PRKN: variants seen among roughly 807,000 people sequenced by gnomAD.
PRKN encodes the protein parkin RBR E3 ubiquitin protein ligase.
Under a neutral mutation model 59.5 loss-of-function variants are expected in PRKN, and 56 were observed. That is an observed-to-expected ratio of 0.94 (90% CI 0.76 to 1.18). The LOEUF is 1.18. Among genes scored for constraint, PRKN ranks in the 50% most tolerant of loss-of-function variants. The probability of loss-of-function intolerance (pLI) is 0.00; values close to 1 mark genes in which losing one functional copy is unlikely to be tolerated. For synonymous variants in PRKN, 250 were observed against 222.1 expected (o/e 1.13, Z -1.12); for missense variants, 657 against 596.4 (o/e 1.10, Z -1.06).
At chr6:162,411,925 C>G (rs1020259436) in intron 2 of PRKN, among the ~76,000 whole-genome samples, 2 of 152,090 alleles carry the variant, frequency 1.3e-5, no homozygotes, top group African/African-American at 4.8e-5. Flanking sequence ...TCTTTAGATC[C>G]TGGAACTCCC....
intron 1 of PRKN, among the ~76,000 whole-genome samples, chr6:162,532,189 T>C (rs189027411): frequency 5.3e-4 from 80 of 152,338 alleles, no homozygotes; most frequent in Non-Finnish European, 6.9e-4. Context: ...AATCCAAGTA[T>C]GTCCCTAGAC....
intron 1 of PRKN, among the ~76,000 whole-genome samples, chr6:162,466,174 C>T (rs1791404372): frequency 6.6e-6 from 1 of 152,132 alleles, no homozygotes; most frequent in Admixed American, 6.6e-5. Flanking sequence ...GAAGTTTATG[C>T]ATGTATTGAG....
chr6:162,250,703 C>T (rs915312813), intron 3 of PRKN, among the ~76,000 whole-genome samples: 10 of 152,188 alleles, frequency 6.6e-5, no homozygotes, highest in Admixed American at 2.0e-4. Context: ...TATCTAATTT[C>T]GCAATGCATC....
chr6:162,167,538 T>A (rs1290434368), intron 4 of PRKN, among the ~76,000 whole-genome samples: 1 of 151,960 alleles, frequency 6.6e-6, no homozygotes, highest in Admixed American at 6.6e-5. Flanking sequence ...GAAAAGTAAT[T>A]AATTTCCACG....
At chr6:162,727,040 A>T (rs1407985168) in intron 1 of PRKN, 2 of 152,034 alleles carry the variant, frequency 1.3e-5, no homozygotes, top group African/African-American at 4.8e-5. Flanking sequence ...AAGGCAATAG[A>T]TTTAATCTTG....
chr6:162,556,028 AT>A, intron 1 of PRKN, among the ~76,000 whole-genome samples: 1 of 150,648 alleles, frequency 6.6e-6, no homozygotes, highest in Non-Finnish European at 1.5e-5. Context: ...ACATAACTTG[AT>A]TGAGTGAGAA....
chr6:162,115,724 C>G (rs1009585573), intron 4 of PRKN, among the ~76,000 whole-genome samples: 1 of 151,926 alleles, frequency 6.6e-6, no homozygotes, highest in Non-Finnish European at 1.5e-5. Flanking sequence ...CTGGCAGGAG[C>G]CCATATGGGT....
At chr6:162,372,121 C>G (rs151241923) in intron 2 of PRKN, among the ~76,000 whole-genome samples, 1 of 152,184 alleles carries the variant, frequency 6.6e-6, no homozygotes, top group Non-Finnish European at 1.5e-5. Flanking sequence ...TCCTTAATTT[C>G]TTTTCTACTT....
chr6:162,463,385 C>T (rs185670556), intron 1 of PRKN, among the ~76,000 whole-genome samples: 17 of 152,220 alleles, frequency 1.1e-4, no homozygotes, highest in Admixed American at 9.2e-4. Flanking sequence ...CATGGGTCTC[C>T]GGCCTTCTGC....
At position 161,395,999 on chromosome 6, in the gene PRKN, T is replaced by C. The variant is rs1192919036; in HGVS notation, c.1084-9122A>G. Among the ~76,000 whole-genome samples, 5 of 152,142 alleles carry C rather than the reference T, an allele frequency of 3.3e-5. No individual in the cohort carries two copies. Among genetic ancestry groups the C allele is most frequent in the Non-Finnish European group, 7.4e-5 (5 of 67,976 alleles). ...GGGGAACGGCAGCTTCCCTCACTTG[T>C]GGCTGTGTCGTGAGCCTCAGCTTTG... On this transcript the variant is annotated intron_variant, in intron 9 of 11. Coordinates refer to ENST00000366898, the MANE Select transcript of PRKN (RefSeq NM_004562.3). The surrounding 1 kb of genome is among the most constrained non-coding windows in gnomAD (Gnocchi z 5.0).
rs542656288 is a variant in PRKN, at chr6:161,576,166, A to G, written c.872-6750T>C. Reference sequence around the variant, plus strand: ...CTGTCTCGACAGAGTAATTGCATTCAGTCAGCAGCAGGACTTTACAGAATC... The same window carrying G: ...CTGTCTCGACAGAGTAATTGCATTCGGTCAGCAGCAGGACTTTACAGAATC... On this transcript the variant is annotated intron_variant, in intron 7 of 11. Transcript: ENST00000366898. The surrounding 1 kb of genome is among the most constrained non-coding windows in gnomAD (Gnocchi z 4.6). Among the ~76,000 whole-genome samples the G allele has an allele frequency of 9.2e-5, 14 of 152,358 alleles. No homozygotes were observed. The East Asian group carries it at 2.5e-3, about 27-fold the overall frequency.
intron 1 of PRKN, among the ~76,000 whole-genome samples, chr6:162,577,073 C>T (rs1203875797): frequency 1.3e-5 from 2 of 151,804 alleles, no homozygotes; most frequent in Middle Eastern, 3.2e-3. Flanking sequence ...AAAACATACA[C>T]AAAAACACAC....
rs146711797 is a variant in PRKN, at chr6:162,136,534, G to A, written c.534+64597C>T. Among the ~76,000 whole-genome samples, 439 of 152,266 alleles carry A rather than the reference G, an allele frequency of 2.9e-3. 1 individual carries two copies. Among genetic ancestry groups the A allele is most frequent in the African/African-American group, 1.0e-2 (414 of 41,556 alleles). On this transcript the variant is annotated intron_variant, in intron 4 of 11. Transcript: ENST00000366898. The stretch of plus-strand genomic sequence containing the variant: ...TAAATTTGGAATCTAGAATTTACCA[G>A]GTATGTAATTTGGAGTAAGTTAATT...
At chr6:161,731,257 G>A (rs150033388) in intron 7 of PRKN, among the ~76,000 whole-genome samples, 23 of 152,346 alleles carry the variant, frequency 1.5e-4, no homozygotes, top group African/African-American at 5.5e-4. Context: ...CCCATCCATG[G>A]GTGTGAAGCA....
intron 8 of PRKN, among the ~76,000 whole-genome samples, chr6:161,558,432 G>A (rs1041724777): frequency 6.6e-6 from 1 of 151,966 alleles, no homozygotes; most frequent in Non-Finnish European, 1.5e-5. Context: ...GGGCATGGTG[G>A]CATGTACCTG....
intron 4 of PRKN, among the ~76,000 whole-genome samples, chr6:162,149,684 C>G (rs1782179652): frequency 6.6e-6 from 1 of 152,140 alleles, no homozygotes; most frequent in Non-Finnish European, 1.5e-5. Context: ...TCTCCAGGGT[C>G]TGGTAGTTTC....
At chr6:162,574,239 C>T (rs1012422) in intron 1 of PRKN, among the ~76,000 whole-genome samples, 33,722 of 151,738 alleles carry the variant, frequency 0.22, 4,510 homozygotes, top group African/African-American at 0.37. Context: ...TAGATGCTAG[C>T]GTACAGTTAG....
At chr6:162,094,254 C>A (rs1047360062) in intron 4 of PRKN, among the ~76,000 whole-genome samples, 2 of 152,116 alleles carry the variant, frequency 1.3e-5, no homozygotes, top group Non-Finnish European at 2.9e-5. Context: ...CGTTGGGAGC[C>A]TGAGGTGGGA....
At chr6:162,171,463 C>T (rs12194653) in intron 4 of PRKN, among the ~76,000 whole-genome samples, 2,006 of 152,140 alleles carry the variant, frequency 0.013, 28 homozygotes, top group South Asian at 0.028. Flanking sequence ...GTTTCTTCAC[C>T]GCTCCGTTTC....
Sources: allele counts gnomAD v4.1 joint callset (sites outside exome capture counted in the v4.1 genomes callset), GRCh38; gene constraint gnomAD v4.1.1; non-coding constraint Gnocchi (gnomAD v3.1); transcripts MANE v1.5; gene names NCBI Gene and HGNC (gene_info 2026-07-23, HGNC 2026-07-21).